The following CHN2 variants were observed in gnomAD, a reference collection of about 807,000 sequenced individuals.
CHN2 encodes beta-chimaerin.
A neutral mutation model predicts 56.3 loss-of-function variants in CHN2; 35 were observed. The ratio of observed to expected loss-of-function variants is 0.62; its 90% confidence interval spans 0.47 to 0.82. The LOEUF (loss-of-function observed/expected upper bound fraction) is 0.82, where lower values mean the gene tolerates loss of function less well. CHN2 is among the 40% of genes least tolerant of loss of function. The pLI, the probability that CHN2 is intolerant of heterozygous loss-of-function variation, is 0.00. For synonymous variants in CHN2, 210 were observed against 212.8 expected, an observed-to-expected ratio of 0.99 and a Z score of 0.12; for missense variants, 491 against 580.5, an observed-to-expected ratio of 0.85 and a Z score of 1.58.
At chr7:29,188,178 A>G (rs1798956685) in intron 2 of CHN2, among the ~76,000 whole-genome samples, 1 of 152,240 alleles carries the variant, frequency 6.6e-6, no homozygotes, top group Non-Finnish European at 1.5e-5. Context: ...GGCCACCTAG[A>G]GTTCCTAACT....
chr7:29,375,064 AT>A (rs1444381298), intron 3 of CHN2, among the ~76,000 whole-genome samples: 1 of 141,846 alleles, frequency 7.0e-6, no homozygotes, highest in Non-Finnish European at 1.5e-5. Context: ...AATTTTTTGT[AT>A]TTTTAGTAGA....
chr7:29,150,366 G>A (rs551552995), intron 2 of CHN2, among the ~76,000 whole-genome samples: 37 of 152,278 alleles, frequency 2.4e-4, no homozygotes, highest in Non-Finnish European at 1.5e-4. Context: ...TCAAAAAATG[G>A]CAGCTGTAAC....
chr7:29,161,443 A>G (rs553807293), intron 2 of CHN2, among the ~76,000 whole-genome samples: 1 of 152,252 alleles, frequency 6.6e-6, no homozygotes, highest in Non-Finnish European at 1.5e-5. Flanking sequence ...TTCCCTTTCC[A>G]GCTGGACCCC....
intron 1 of CHN2, chr7:29,208,976 C>T (rs1038046933): frequency 6.6e-6 from 1 of 152,214 alleles, no homozygotes; most frequent in African/African-American, 2.4e-5. Flanking sequence ...TCTCTTCCTC[C>T]TCACCCTGTG....
intron 1 of CHN2, among the ~76,000 whole-genome samples, chr7:29,346,187 G>A (rs969455606): frequency 7.9e-5 from 12 of 152,184 alleles, no homozygotes; most frequent in African/African-American, 2.9e-4. Flanking sequence ...CCATTTGGCC[G>A]TGCTGGCCTG....
chr7:29,407,087 A>G (rs1212415276), intron 6 of CHN2, among the ~76,000 whole-genome samples: 1 of 152,008 alleles, frequency 6.6e-6, no homozygotes, highest in Admixed American at 6.6e-5. Context: ...CTGGCCACCA[A>G]CTCCTTGTAG....
intron 10 of CHN2, among the ~76,000 whole-genome samples, chr7:29,505,802 C>G (rs1293704036): frequency 6.6e-6 from 1 of 152,196 alleles, no homozygotes; most frequent in East Asian, 1.9e-4. Flanking sequence ...GTCAGTCAGT[C>G]TAACTAGAAC....
In CHN2 at chr7:29,477,719, G is replaced by T. The variant is rs541909022; in HGVS notation, c.577-2560G>T. 8.5e-5 allele frequency among the ~76,000 whole-genome samples: 13 copies of T among 152,364 alleles called. 1 individual carries two copies. Among genetic ancestry groups the T allele is most frequent in the African/African-American group, 3.1e-4 (13 of 41,588 alleles). On this transcript the variant is annotated intron_variant, in intron 6 of 12. Coordinates refer to ENST00000222792, the MANE Select transcript of CHN2 (RefSeq NM_004067.4). ...TGGGACAGTGGGAAGAAGGGCCAAG[G>T]GGCCTGGTGAAGCCCATTAAGAGAG... is the stretch of plus-strand genomic sequence containing the variant.
chr7:29,191,666 G>A (rs914806124), upstream of CHN2: 8 of 152,100 alleles, frequency 5.3e-5, no homozygotes, highest in African/African-American at 9.7e-5. Context: ...AATATTTGAA[G>A]AAAAAAGGCA....
At chr7:29,171,488 A>G (rs1796596449) in intron 2 of CHN2, among the ~76,000 whole-genome samples, 1 of 152,204 alleles carries the variant, frequency 6.6e-6, no homozygotes, top group Admixed American at 6.5e-5. Flanking sequence ...CCAGACGGAG[A>G]GGATTCTACC....
chr7:29,358,154 G>T (rs17157810), intron 2 of CHN2, among the ~76,000 whole-genome samples: 1 of 136,028 alleles, frequency 7.4e-6, no homozygotes, highest in South Asian at 2.3e-4. Context: ...TTTCATTGAC[G>T]TTTTTTTGGC....
chr7:29,436,470 A>T (rs1783235887), intron 6 of CHN2, among the ~76,000 whole-genome samples: 1 of 152,206 alleles, frequency 6.6e-6, no homozygotes, highest in Admixed American at 6.5e-5. Context: ...GTGCTCAACA[A>T]GCATTTGTTA....
intron 6 of CHN2, among the ~76,000 whole-genome samples, chr7:29,413,448 A>G (rs1184118552): frequency 6.6e-5 from 10 of 152,244 alleles, no homozygotes; most frequent in African/African-American, 2.4e-4. Flanking sequence ...AAAATAATTC[A>G]TGATATAAGG....
intron 12 of CHN2, among the ~76,000 whole-genome samples, chr7:29,511,992 C>G (rs1791499109): frequency 1.3e-5 from 2 of 152,070 alleles, no homozygotes; most frequent in Non-Finnish European, 2.9e-5. Flanking sequence ...TAATGTCCAA[C>G]TGCCGTCCAG....
chr7:29,388,864 A>G (rs1281613835), intron 3 of CHN2, among the ~76,000 whole-genome samples: 3 of 152,224 alleles, frequency 2.0e-5, no homozygotes, highest in Non-Finnish European at 2.9e-5. Context: ...TGTGGATAGT[A>G]GGGACAGGAC....
At chr7:29,420,073 A>G (rs937440625) in intron 6 of CHN2, among the ~76,000 whole-genome samples, 3 of 151,914 alleles carry the variant, frequency 2.0e-5, no homozygotes, top group Non-Finnish European at 4.4e-5. Context: ...AAAAAAAAAA[A>G]AATTATCTCA....
chr7:29,217,919 A>G (rs900893179), intron 1 of CHN2, among the ~76,000 whole-genome samples: 2 of 152,088 alleles, frequency 1.3e-5, no homozygotes, highest in African/African-American at 4.8e-5. Flanking sequence ...GAGCAGTTTA[A>G]CCAGGATTCC....
At chr7:29,370,074 C>T (rs1226548263) in intron 3 of CHN2, among the ~76,000 whole-genome samples, 7 of 152,180 alleles carry the variant, frequency 4.6e-5, no homozygotes, top group Non-Finnish European at 8.8e-5. Context: ...GTCAAGTTTG[C>T]TGGAAGAACA....
chr7:29,383,534 G>A (rs1053879918), intron 3 of CHN2, among the ~76,000 whole-genome samples: 7 of 152,262 alleles, frequency 4.6e-5, no homozygotes, highest in African/African-American at 1.2e-4. Context: ...GAGAAACACC[G>A]TCCCAGACAC....
Sources: gnomAD v4.1 joint callset for allele counts (sites outside exome capture counted in the v4.1 genomes callset) on GRCh38, gnomAD v4.1.1 for gene constraint, MANE v1.5 for transcripts, NCBI Gene and HGNC (gene_info 2026-07-23, HGNC 2026-07-21) for gene names.